SKAP2: variants seen among roughly 807,000 people sequenced by gnomAD.
SKAP2 encodes the protein src kinase-associated phosphoprotein 2.
Under a neutral mutation model 54.9 loss-of-function variants are expected in SKAP2, and 28 were observed. The ratio of observed to expected loss-of-function variants is 0.51; its 90% CI spans 0.38 to 0.70. The LOEUF (loss-of-function observed/expected upper bound fraction) is 0.70, where lower values mean the gene tolerates loss of function less well. Among genes scored for constraint, SKAP2 ranks in the 30% least tolerant of loss-of-function variants. SKAP2 has a pLI of 0.00. For synonymous variants in SKAP2, 137 were observed against 134.3 expected (o/e 1.02, Z -0.14); for missense variants, 356 against 424.1 (o/e 0.84, Z 1.41).
intron 1 of SKAP2, among the ~76,000 whole-genome samples, chr7:26,861,986 C>CA (rs1237478817): frequency 6.6e-6 from 1 of 151,968 alleles, no homozygotes; most frequent in Non-Finnish European, 1.5e-5. Flanking sequence ...GGAATTCTAG[C>CA]ATAGTACCAT....
At chr7:26,680,978 AAT>A (rs1162995872) in intron 11 of SKAP2, among the ~76,000 whole-genome samples, 1 of 152,222 alleles carries the variant, frequency 6.6e-6, no homozygotes, top group African/African-American at 2.4e-5. Context: ...AGAGGCCTAA[AAT>A]AAATAAATCA....
intron 4 of SKAP2, among the ~76,000 whole-genome samples, chr7:26,775,530 CGTGTGTGTGTGTGTGTGT>C (rs59902431): frequency 1.3e-4 from 19 of 146,302 alleles, no homozygotes; most frequent in Admixed American, 2.7e-4. Flanking sequence ...TTTACTTGTA[CGTGTGTGTGTGTGTGTGT>C]GTGTGTGTGT....
chr7:26,762,971 A>G (rs1386744368), intron 4 of SKAP2, among the ~76,000 whole-genome samples: 1 of 152,186 alleles, frequency 6.6e-6, no homozygotes, highest in African/African-American at 2.4e-5. Context: ...AATATATTTT[A>G]ACTGAACAAA....
chr7:26,667,488 T>G lies in SKAP2; in HGVS notation c.*2178A>C, dbSNP rs1384875616. The G allele has an allele frequency of 6.6e-6, 1 of 152,584 alleles. No homozygotes were observed. Among genetic ancestry groups the G allele is most frequent in the Non-Finnish European group, 1.5e-5 (1 of 68,026 alleles). The allele number at this position is 152,584 out of a possible 1,614,324, so 9.5% of individuals were successfully genotyped here. A position where few individuals can be genotyped will look rare whatever the true frequency, so the allele number is the denominator to read the frequency against. On this transcript the variant is annotated 3_prime_UTR_variant, in exon 13 of 13. Coordinates refer to ENST00000345317, the MANE Select transcript of SKAP2 (RefSeq NM_003930.5). ...TCCTGTCACTCCAGTTTTAAGTCTT[T>G]TCTTTCCTTTCTTATGTCTCCCACC...
chr7:26,674,764 T>C (rs1786317434), intron 11 of SKAP2, among the ~76,000 whole-genome samples: 1 of 152,186 alleles, frequency 6.6e-6, no homozygotes, highest in East Asian at 1.9e-4. Flanking sequence ...CCTTGCATTG[T>C]ATACTCCATT....
intron 4 of SKAP2, among the ~76,000 whole-genome samples, chr7:26,768,136 T>C (rs1480481708): frequency 6.6e-6 from 1 of 152,204 alleles, no homozygotes; most frequent in Non-Finnish European, 1.5e-5. Flanking sequence ...TGAATCTGGG[T>C]GCTCCTGTAT....
chr7:26,771,690 T>C (rs904600333), intron 4 of SKAP2, among the ~76,000 whole-genome samples: 1 of 152,254 alleles, frequency 6.6e-6, no homozygotes, highest in African/African-American at 2.4e-5. Flanking sequence ...TTAATAAATG[T>C]ATGAACCTGA....
intron 4 of SKAP2, among the ~76,000 whole-genome samples, chr7:26,742,177 G>C (rs17154428): frequency 0.14 from 20,534 of 152,076 alleles, 1,610 homozygotes; most frequent in African/African-American, 0.22. Flanking sequence ...AAGTCCTGGT[G>C]AACCACTAAT....
chr7:26,681,193 T>TA (rs1294659628), intron 11 of SKAP2, among the ~76,000 whole-genome samples: 1 of 152,268 alleles, frequency 6.6e-6, no homozygotes, highest in African/African-American at 2.4e-5. Flanking sequence ...CTCATGCCTC[T>TA]AATCCCAGCA....
intron 4 of SKAP2, among the ~76,000 whole-genome samples, chr7:26,761,865 G>A (rs112739239): frequency 3.9e-5 from 6 of 152,284 alleles, no homozygotes; most frequent in East Asian, 1.9e-4. Flanking sequence ...GTGCCATTGC[G>A]CTCTAGCCAG....
chr7:26,668,662 G>GTTTTTTTTTTTTTTT lies in SKAP2; in HGVS notation c.*989_*1003dup, dbSNP rs369317261. 8.1e-6 allele frequency: 1 copy of GTTTTTTTTTTTTTTT among 122,994 alleles called. No homozygotes were observed. Among genetic ancestry groups the GTTTTTTTTTTTTTTT allele is most frequent in the Non-Finnish European group, 1.7e-5 (1 of 60,384 alleles). 7.6% of individuals were successfully genotyped at this position (122,994 alleles called of 1,614,324 possible). ...TACTTTGAGAATACACTGAGATTCTGTTTTTTTTTTTTTTTTTTTCTGAGA... is the reference window on the plus strand; with the variant it reads ...TACTTTGAGAATACACTGAGATTCTGTTTTTTTTTTTTTTTTTTTTTTTTTTTTTTTTTTCTGAGA... On this transcript the variant is annotated 3_prime_UTR_variant, in exon 13 of 13. Transcript: ENST00000345317.
chr7:26,822,225 C>A (rs913553935), intron 4 of SKAP2, among the ~76,000 whole-genome samples: 1 of 152,150 alleles, frequency 6.6e-6, no homozygotes. Flanking sequence ...ACAGATACTG[C>A]ATTTTTTACA....
At chr7:26,776,269 T>C (rs972785578) in intron 4 of SKAP2, among the ~76,000 whole-genome samples, 1 of 152,146 alleles carries the variant, frequency 6.6e-6, no homozygotes, top group Non-Finnish European at 1.5e-5. Context: ...TCTAAAATTC[T>C]ACACACCCTC....
chr7:26,697,334 A>G (rs1291263540), intron 9 of SKAP2, among the ~76,000 whole-genome samples: 1 of 152,208 alleles, frequency 6.6e-6, no homozygotes, highest in Non-Finnish European at 1.5e-5. Context: ...GGGAATGTAT[A>G]TAGGTTAAAA....
intron 4 of SKAP2, among the ~76,000 whole-genome samples, chr7:26,785,437 C>T (rs988044567): frequency 1.3e-5 from 2 of 152,102 alleles, no homozygotes; most frequent in African/African-American, 4.8e-5. Context: ...CCACCTGCCT[C>T]GGCCTCCCAA....
At chr7:26,778,224 A>T (rs2127977372) in intron 4 of SKAP2, among the ~76,000 whole-genome samples, 1 of 152,244 alleles carries the variant, frequency 6.6e-6, no homozygotes, top group East Asian at 1.9e-4. Context: ...GGCAAAATTC[A>T]CAGTACTTAA....
intron 4 of SKAP2, among the ~76,000 whole-genome samples, chr7:26,794,332 C>G (rs1364122268): frequency 6.6e-6 from 1 of 152,210 alleles, no homozygotes; most frequent in Non-Finnish European, 1.5e-5. Flanking sequence ...TGAGCATACG[C>G]TGAGAATGAC....
chr7:26,836,957 T>A (rs538792015), intron 4 of SKAP2, among the ~76,000 whole-genome samples: 9 of 152,098 alleles, frequency 5.9e-5, no homozygotes, highest in Non-Finnish European at 8.8e-5. Flanking sequence ...AATGATAGAC[T>A]GGGTAAAGAA....
At chr7:26,857,329 A>AAC (rs1554309145) in intron 1 of SKAP2, 2 of 268,506 alleles carry the variant, frequency 7.4e-6, no homozygotes, top group African/African-American at 4.7e-5. Context: ...AAAAAAAAAA[A>AAC]AAAAAACTTT....
Sources: allele counts gnomAD v4.1 joint callset (sites outside exome capture counted in the v4.1 genomes callset), GRCh38; gene constraint gnomAD v4.1.1; transcripts MANE v1.5; gene names NCBI Gene and HGNC (gene_info 2026-07-23, HGNC 2026-07-21).